The following RCOR1 variants were observed in gnomAD, a reference collection of about 807,000 sequenced individuals.
RCOR1 encodes the protein REST corepressor.
RCOR1 carries 12 observed loss-of-function variants against 64.0 expected under a neutral mutation model. The observed-to-expected ratio is 0.19, with a 90% CI of 0.12 to 0.30. The LOEUF (loss-of-function observed/expected upper bound fraction) is 0.30, where lower values mean the gene tolerates loss of function less well. Among genes scored for constraint, RCOR1 ranks in the 10% least tolerant of loss-of-function variants. The pLI, the probability that RCOR1 is intolerant of heterozygous loss-of-function variation, is 1.00. For synonymous variants in RCOR1, 279 were observed against 227.2 expected, an observed-to-expected ratio of 1.23 and a Z score of -2.05; for missense variants, 502 against 621.2, an observed-to-expected ratio of 0.81 and a Z score of 2.04.
rs1398041379 is a variant in RCOR1 at position 102,727,152 on chromosome 14, G to A, written c.*646G>A. On this transcript the variant is annotated 3_prime_UTR_variant, in exon 12 of 12. Transcript: ENST00000262241. ...ATCTCCCTCTTCTCCCTTCCCAAGT[G>A]TTACAAAGATCATTTACTGCAACTG... The A allele has an allele frequency of 6.6e-6, 1 of 152,126 alleles. No individual in the cohort carries two copies. Among genetic ancestry groups the A allele is most frequent in the African/African-American group, 2.4e-5 (1 of 41,410 alleles). The allele number at this position is 152,126 out of a possible 1,614,324, so 9.4% of individuals were successfully genotyped here.
intron 5 of RCOR1, 47 bp from the exon 6 acceptor site, chr14:102,708,418 A>G (rs1321353652): frequency 8.9e-7 from 1 of 1,128,996 alleles, no homozygotes; most frequent in East Asian, 2.4e-5. Flanking sequence ...TTGATTTTTA[A>G]AGATTACTTT....
rs139892708 is a variant in RCOR1 at position 102,656,835 on chromosome 14, G to A, written c.362-25060G>A. On this transcript the variant is annotated intron_variant, in intron 2 of 11. Transcript: ENST00000262241. ...CTGTCGCCCAGGGTGTAGTGCAGTC[G>A]CGCAATCTCAGCTCACTGCAACCTC... Among the ~76,000 whole-genome samples the A allele has an allele frequency of 9.4e-3, 1,415 of 150,438 alleles. 25 individuals are homozygous for A. The highest frequency in any genetic ancestry group is 0.033 in the African/African-American group (1,340 of 40,858).
chr14:102,597,265 TTTTC>T (rs1302782373), intron 2 of RCOR1, among the ~76,000 whole-genome samples: 1 of 152,164 alleles, frequency 6.6e-6, no homozygotes, highest in Non-Finnish European at 1.5e-5. Context: ...GCTTTTTTTC[TTTTC>T]TTTTTTTATT....
At chr14:102,673,889 A>G (rs1045448594) in intron 2 of RCOR1, among the ~76,000 whole-genome samples, 3 of 152,234 alleles carry the variant, frequency 2.0e-5, no homozygotes, top group Non-Finnish European at 2.9e-5. Context: ...TGCTGGGATT[A>G]CAGGGGTGAG....
Position 102,620,295 on chromosome 14 carries a change from C to T in RCOR1, c.361+26970C>T, listed in dbSNP as rs992175460. On this transcript the variant is annotated intron_variant, in intron 2 of 11. Coordinates refer to ENST00000262241, the MANE Select transcript of RCOR1 (RefSeq NM_015156.4). ...GAAAAAAATTAGTCGCGGCGGGGTGCGGTGGCTCACGCCTGTAATCCCAGC... is the reference window on the plus strand; with the variant it reads ...GAAAAAAATTAGTCGCGGCGGGGTGTGGTGGCTCACGCCTGTAATCCCAGC... Among the ~76,000 whole-genome samples, 6 of 152,164 alleles carry T rather than the reference C, an allele frequency of 3.9e-5. No homozygotes were observed. The South Asian group carries it at 1.0e-3, about 26-fold the overall frequency.
At position 102,617,931 on chromosome 14, in the gene RCOR1, T is replaced by C. The variant is rs183528118; in HGVS notation, c.361+24606T>C. Among the ~76,000 whole-genome samples, 318 of 151,636 alleles carry C rather than the reference T, an allele frequency of 2.1e-3. 4 individuals are homozygous for C. The highest frequency in any genetic ancestry group is 7.5e-3 in the African/African-American group (310 of 41,436). ...AAAAAAGAACACAGTAATTTTTCTCTTTTATGGGATACTACACTTACATAA... is the reference window on the plus strand; with the variant it reads ...AAAAAAGAACACAGTAATTTTTCTCCTTTATGGGATACTACACTTACATAA... On this transcript the variant is annotated intron_variant, in intron 2 of 11. Coordinates refer to ENST00000262241, the MANE Select transcript of RCOR1 (RefSeq NM_015156.4).
At chr14:102,640,468 A>G (rs149946749) in intron 2 of RCOR1, among the ~76,000 whole-genome samples, 2 of 152,320 alleles carry the variant, frequency 1.3e-5, no homozygotes, top group Non-Finnish European at 2.9e-5. Context: ...CCGACTCTCA[A>G]AGACTTGGTG....
intron 2 of RCOR1, among the ~76,000 whole-genome samples, chr14:102,634,601 CGT>C (rs1555463064): frequency 2.7e-5 from 4 of 150,832 alleles, no homozygotes; most frequent in South Asian, 4.2e-4. Flanking sequence ...GTTTATATTA[CGT>C]GTGTGTGTGT....
intron 2 of RCOR1, among the ~76,000 whole-genome samples, chr14:102,617,557 C>T (rs914841150): frequency 1.3e-5 from 2 of 151,204 alleles, no homozygotes; most frequent in Non-Finnish European, 2.9e-5. Flanking sequence ...CACTGCACTC[C>T]AGCCGGGGCA....
chr14:102,670,378 G>T (rs1895008072), intron 2 of RCOR1, among the ~76,000 whole-genome samples: 1 of 152,158 alleles, frequency 6.6e-6, no homozygotes, highest in African/African-American at 2.4e-5. Flanking sequence ...TAATGGGATA[G>T]AATTTAAATT....
intron 2 of RCOR1, chr14:102,662,270 C>G: frequency 1.9e-6 from 1 of 533,850 alleles, no homozygotes; most frequent in South Asian, 1.4e-5. Flanking sequence ...TGGCAACATC[C>G]AAAGCATCAT....
chr14:102,709,823 A>G (rs185698733), intron 6 of RCOR1, among the ~76,000 whole-genome samples: 4 of 152,362 alleles, frequency 2.6e-5, no homozygotes, highest in African/African-American at 2.4e-5. Flanking sequence ...CTAAGCAGCA[A>G]TCAAAATTAA....
chr14:102,630,649 C>A (rs7158275), intron 2 of RCOR1, among the ~76,000 whole-genome samples: 44,450 of 151,964 alleles, frequency 0.29, 7,081 homozygotes, highest in Middle Eastern at 0.37. Flanking sequence ...AAGGTAATAC[C>A]TCATCCAGAA....
At chr14:102,653,889 A>G (rs1462394787) in intron 2 of RCOR1, among the ~76,000 whole-genome samples, 2 of 150,040 alleles carry the variant, frequency 1.3e-5, no homozygotes, top group Non-Finnish European at 3.0e-5. Context: ...TCTTCTCTTT[A>G]TAAATTACCT....
Position 102,726,652 on chromosome 14 carries a change from C to G in RCOR1, c.*146C>G. 1 of 662,796 alleles carries G rather than the reference C, an allele frequency of 1.5e-6. No homozygotes were observed. The highest frequency in any genetic ancestry group is 1.9e-5 in the South Asian group (1 of 52,254). 41.1% of individuals were successfully genotyped at this position (662,796 alleles called of 1,614,324 possible). A position where few individuals can be genotyped will look rare whatever the true frequency, so the allele number is the denominator to read the frequency against. ...AGGCATATACTTCCAGTCCTGTGCTCCATCTGCCTTAATTCTTTGCTCGTT... is the reference window on the plus strand; with the variant it reads ...AGGCATATACTTCCAGTCCTGTGCTGCATCTGCCTTAATTCTTTGCTCGTT... On this transcript the variant is annotated 3_prime_UTR_variant, in exon 12 of 12. Transcript: ENST00000262241.
intron 7 of RCOR1, among the ~76,000 whole-genome samples, chr14:102,712,089 G>C (rs1198475518): frequency 6.6e-6 from 1 of 151,974 alleles, no homozygotes; most frequent in African/African-American, 2.4e-5. Context: ...ACTCACTGCA[G>C]CCGCCAACTC....
At chr14:102,721,548 CT>C in intron 10 of RCOR1, 171 bp downstream of exon 10, 1 of 402,060 alleles carries the variant, frequency 2.5e-6, no homozygotes, top group Non-Finnish European at 4.4e-6. Context: ...GAGACCCTGA[CT>C]TTAAAAAAAA....
At chr14:102,706,724 A>C (rs946257431) in intron 4 of RCOR1, among the ~76,000 whole-genome samples, 4 of 151,918 alleles carry the variant, frequency 2.6e-5, no homozygotes, top group Non-Finnish European at 5.9e-5. Flanking sequence ...TACTTGGGAG[A>C]CTGAGGTGAT....
In RCOR1 at chr14:102,593,329, A is replaced by G; in HGVS notation, c.361+4A>G. 6.5e-7 allele frequency: 1 copy of G among 1,540,950 alleles called. No individual in the cohort carries two copies. The highest frequency in any genetic ancestry group is 8.7e-7 in the Non-Finnish European group (1 of 1,151,450). On this transcript the variant is annotated splice_donor_region_variant and intron_variant, in intron 2 of 11. Coordinates refer to ENST00000262241, the MANE Select transcript of RCOR1 (RefSeq NM_015156.4). Reference sequence around the variant, plus strand: ...GTGGTGCCCGACTTCGACCCCGGTGAGTAGCGGCCCCGGCCGGCCGGCGGC... The same window carrying G: ...GTGGTGCCCGACTTCGACCCCGGTGGGTAGCGGCCCCGGCCGGCCGGCGGC...
Sources: gnomAD v4.1 joint callset for allele counts (sites outside exome capture counted in the v4.1 genomes callset) on GRCh38, gnomAD v4.1.1 for gene constraint, MANE v1.5 for transcripts, NCBI Gene and HGNC (gene_info 2026-07-23, HGNC 2026-07-21) for gene names.